STAC: variants seen among roughly 807,000 people sequenced by gnomAD.
STAC encodes SH3 and cysteine-rich domain-containing protein.
STAC carries 43 observed loss-of-function variants against 48.8 expected under a neutral mutation model. The observed-to-expected ratio is 0.88, with a 90% CI of 0.69 to 1.14. The LOEUF (loss-of-function observed/expected upper bound fraction) is 1.14, where lower values mean the gene tolerates loss of function less well. Ranked by LOEUF, STAC falls within the 50% of genes most tolerant of loss-of-function variation. The pLI, the probability that STAC is intolerant of heterozygous loss-of-function variation, is 0.00. For synonymous variants in STAC, 193 were observed against 179.5 expected (o/e 1.07, Z -0.60); for missense variants, 497 against 504.0 (o/e 0.99, Z 0.13).
At chr3:36,545,045 G>A (rs1027117814) in intron 10 of STAC, among the ~76,000 whole-genome samples, 1 of 152,170 alleles carries the variant, frequency 6.6e-6, no homozygotes, top group African/African-American at 2.4e-5. Flanking sequence ...GGTGGCTTCT[G>A]TTGGAGCCTT....
At chr3:36,417,097 C>T (rs1700336497) in intron 1 of STAC, among the ~76,000 whole-genome samples, 1 of 152,132 alleles carries the variant, frequency 6.6e-6, no homozygotes, top group African/African-American at 2.4e-5. Context: ...CTCTGCGGCC[C>T]CACAGCCTCC....
At chr3:36,502,815 G>A (rs775385365) in intron 6 of STAC, among the ~76,000 whole-genome samples, 3 of 152,126 alleles carry the variant, frequency 2.0e-5, no homozygotes, top group Non-Finnish European at 4.4e-5. Context: ...AAATATTGAG[G>A]CAGACAAGAT....
chr3:36,393,892 C>T (rs1699801636), intron 1 of STAC, among the ~76,000 whole-genome samples: 2 of 151,810 alleles, frequency 1.3e-5, no homozygotes, highest in South Asian at 2.1e-4. Context: ...GAAAAGGATT[C>T]TGTGAAAAAG....
chr3:36,460,445 C>CA (rs113594180), intron 2 of STAC, among the ~76,000 whole-genome samples: 1,532 of 151,780 alleles, frequency 0.01, 28 homozygotes, highest in African/African-American at 0.033. Context: ...AACACTAACA[C>CA]ACAAAAAAAT....
intron 1 of STAC, among the ~76,000 whole-genome samples, chr3:36,428,504 G>A (rs1700618334): frequency 6.6e-6 from 1 of 152,168 alleles, no homozygotes; most frequent in Admixed American, 6.5e-5. Flanking sequence ...ATGCTTACAA[G>A]TCTTCAAAAT....
At chr3:36,477,345 A>G (rs1221927950) in intron 2 of STAC, among the ~76,000 whole-genome samples, 3 of 152,124 alleles carry the variant, frequency 2.0e-5, no homozygotes, top group African/African-American at 7.2e-5. Context: ...GTAAATCACC[A>G]TTTTATCCTG....
At chr3:36,487,257 T>C (rs1697838335) in intron 5 of STAC, among the ~76,000 whole-genome samples, 1 of 152,118 alleles carries the variant, frequency 6.6e-6, no homozygotes, top group Non-Finnish European at 1.5e-5. Flanking sequence ...AGGTCCTCTA[T>C]TGGGTGCAGT....
intron 6 of STAC, among the ~76,000 whole-genome samples, chr3:36,500,987 G>A (rs1364254806): frequency 6.6e-6 from 1 of 152,226 alleles, no homozygotes; most frequent in Non-Finnish European, 1.5e-5. Context: ...AGCTACTGTG[G>A]AAGCTTAGGG....
intron 1 of STAC, among the ~76,000 whole-genome samples, chr3:36,393,389 A>G (rs1212701622): frequency 6.6e-6 from 1 of 152,090 alleles, no homozygotes; most frequent in Non-Finnish European, 1.5e-5. Context: ...GAAAGCAGAG[A>G]ACACAGATGA....
intron 2 of STAC, among the ~76,000 whole-genome samples, chr3:36,448,905 C>CG (rs904498474): frequency 5.1e-5 from 1 of 19,598 alleles, no homozygotes; most frequent in African/African-American, 1.6e-4. Flanking sequence ...CAGTGAACCC[C>CG]CCCCCCCACT....
At chr3:36,479,781 C>G (rs545042074) in intron 2 of STAC, among the ~76,000 whole-genome samples, 8 of 152,310 alleles carry the variant, frequency 5.3e-5, no homozygotes, top group Admixed American at 4.6e-4. Flanking sequence ...GCATAAGGGT[C>G]ACTTGCAGCA....
chr3:36,455,928 G>C (rs1226993429), intron 2 of STAC, among the ~76,000 whole-genome samples: 2 of 152,144 alleles, frequency 1.3e-5, no homozygotes, highest in Non-Finnish European at 2.9e-5. Context: ...TCTATCACAT[G>C]TTAAGCATAG....
At chr3:36,508,346 G>T (rs1007302295) in intron 8 of STAC, among the ~76,000 whole-genome samples, 2 of 152,088 alleles carry the variant, frequency 1.3e-5, no homozygotes, top group African/African-American at 4.8e-5. Context: ...CCAATTGTGT[G>T]GTCAATATTA....
intron 1 of STAC, among the ~76,000 whole-genome samples, chr3:36,438,821 A>C (rs1696231615): frequency 6.6e-6 from 1 of 152,194 alleles, no homozygotes; most frequent in Non-Finnish European, 1.5e-5. Flanking sequence ...GAGGGAGACA[A>C]GATTGGATGT....
chr3:36,486,329 T>A, intron 5 of STAC, 80 bp downstream of exon 5: 3 of 1,218,992 alleles, frequency 2.5e-6, no homozygotes, highest in Non-Finnish European at 3.5e-6. Flanking sequence ...TATGGGGTAT[T>A]CCACCTGACT....
intron 8 of STAC, among the ~76,000 whole-genome samples, chr3:36,520,881 G>A (rs886311936): frequency 6.6e-5 from 10 of 152,140 alleles, no homozygotes. Context: ...TTGCCCTTCA[G>A]TTGAATGCTT....
chr3:36,416,132 T>C (rs1407833165), intron 1 of STAC, among the ~76,000 whole-genome samples: 1 of 152,164 alleles, frequency 6.6e-6, no homozygotes, highest in East Asian at 1.9e-4. Flanking sequence ...CCTTTGGGAA[T>C]TACTTTTAAT....
chr3:36,380,707 G>A lies in STAC; in HGVS notation c.64G>A (p.Ala22Thr), dbSNP rs755794822. 5 of 1,611,536 alleles carry A rather than the reference G, an allele frequency of 3.1e-6. No homozygotes were observed. Among genetic ancestry groups the A allele is most frequent in the Admixed American group, 3.3e-5 (2 of 59,862 alleles). Reference protein sequence around the residue: ...VDGLPKEAVGAEQPPSPASTS... With the variant: ...VDGLPKEAVGTEQPPSPASTS... ...CGGGCTGCCCAAGGAGGCGGTGGGC[G>A]CCGAGCAACCGCCCTCTCCTGCATC... Residue 22 changes from alanine (A) to threonine (T), a missense_variant, in exon 1 of 11, where the codon GCC (alanine) becomes ACC (threonine). Physicochemically the swap from Ala to Thr is moderately conservative, Grantham distance 58 (BLOSUM62 0). Coordinates refer to ENST00000273183, the MANE Select transcript of STAC (RefSeq NM_003149.3).
Position 36,398,368 on chromosome 3 carries a change from A to AAAGAAAGAAAGAAAAGAAAGAGAG in STAC, c.111+17616_111+17617insGAAAGAAAGAAAAGAAAGAGAGAA, listed in dbSNP as rs1553631494. 1.2e-4 allele frequency among the ~76,000 whole-genome samples: 12 copies of AAAGAAAGAAAGAAAAGAAAGAGAG among 102,976 alleles called. 1 individual carries two copies. The highest frequency in any genetic ancestry group is 4.1e-4 in the African/African-American group (11 of 26,612). The allele number at this position is 102,976 out of a possible 152,430, so 67.6% of individuals were successfully genotyped here. ...GAAAGAAAGAAAGAAAGAAAGAAAGAAAAGAAAGAGAGAAAGAAAGAAAGA... is the reference window on the plus strand; with the variant it reads ...GAAAGAAAGAAAGAAAGAAAGAAAGAAAGAAAGAAAGAAAAGAAAGAGAGAAAGAAAGAGAGAAAGAAAGAAAGA... On this transcript the variant is annotated intron_variant, in intron 1 of 10. Transcript: ENST00000273183.
Sources: gnomAD v4.1 joint callset for allele counts (sites outside exome capture counted in the v4.1 genomes callset) on GRCh38, gnomAD v4.1.1 for gene constraint, MANE v1.5 for transcripts, NCBI Gene and HGNC (gene_info 2026-07-23, HGNC 2026-07-21) for gene names.